Variants in DAB1 observed in about 807,000 individuals in gnomAD.
DAB1 encodes disabled homolog 1.
DAB1 carries 15 observed loss-of-function variants against 64.6 expected under a neutral mutation model. The ratio of observed to expected loss-of-function variants is 0.23; its 90% CI spans 0.16 to 0.36. DAB1 has a LOEUF of 0.36. Among genes scored for constraint, DAB1 ranks in the 10% least tolerant of loss-of-function variants. DAB1 has a pLI of 1.00. For synonymous variants in DAB1, 235 were observed against 251.9 expected, an observed-to-expected ratio of 0.93 and a Z score of 0.64; for missense variants, 596 against 706.7, an observed-to-expected ratio of 0.84 and a Z score of 1.78.
chr1:58,328,893 T>C (rs567217833), intron 4 of DAB1, among the ~76,000 whole-genome samples: 8 of 152,320 alleles, frequency 5.3e-5, no homozygotes, highest in African/African-American at 1.9e-4. Flanking sequence ...CCAGGCCAAC[T>C]CTTGCTTATT....
chr1:58,485,656 CT>C (rs1461244759), intron 3 of DAB1, among the ~76,000 whole-genome samples: 4 of 151,722 alleles, frequency 2.6e-5, no homozygotes, highest in African/African-American at 9.7e-5. Context: ...GCGCCAATGT[CT>C]TTTTATTTTT....
At chr1:58,001,722 C>T (rs1365744631) in intron 5 of DAB1, among the ~76,000 whole-genome samples, 1 of 152,132 alleles carries the variant, frequency 6.6e-6, no homozygotes, top group Non-Finnish European at 1.5e-5. Context: ...CAGTTTCTGA[C>T]TGTGGTAGGC....
intron 3 of DAB1, among the ~76,000 whole-genome samples, chr1:58,406,711 C>A (rs901527703): frequency 4.0e-5 from 3 of 75,278 alleles, no homozygotes; most frequent in African/African-American, 1.4e-4. Context: ...TAATATCATC[C>A]CCCCCCCCCA....
At chr1:57,785,745 G>A (rs1650308297) in intron 6 of DAB1, among the ~76,000 whole-genome samples, 1 of 152,124 alleles carries the variant, frequency 6.6e-6, no homozygotes, top group African/African-American at 2.4e-5. Context: ...AAATTCTTGA[G>A]GTGAAATATA....
At position 58,491,674 on chromosome 1, in the gene DAB1, C is replaced by T. The variant is rs535556821; in HGVS notation, n.257+14386G>A. 1.7e-3 allele frequency among the ~76,000 whole-genome samples: 254 copies of T among 152,130 alleles called. 2 individuals are homozygous for T. Among genetic ancestry groups the T allele is most frequent in the Non-Finnish European group, 2.1e-3 (146 of 67,960 alleles). ...AGATCAAAAGAGACAAAGAAGGCCA[C>T]TACATAATGGTAAAGGGATCCATTC... On this transcript the variant is annotated intron_variant and non_coding_transcript_variant, in intron 3 of 20. Transcript: ENST00000485760.
chr1:57,705,163 A>G (rs931527664), intron 6 of DAB1, among the ~76,000 whole-genome samples: 1 of 152,204 alleles, frequency 6.6e-6, no homozygotes, highest in Non-Finnish European at 1.5e-5. Flanking sequence ...TGCATAGGCT[A>G]AGAGCCAGAC....
intron 3 of DAB1, among the ~76,000 whole-genome samples, chr1:58,408,028 C>T (rs1644633317): frequency 6.6e-6 from 1 of 152,178 alleles, no homozygotes; most frequent in Non-Finnish European, 1.5e-5. Flanking sequence ...CATGGTGGGT[C>T]TCAACGTGTA....
chr1:57,229,929 G>A (rs1667545481), intron 2 of DAB1, among the ~76,000 whole-genome samples: 1 of 152,138 alleles, frequency 6.6e-6, no homozygotes, highest in African/African-American at 2.4e-5. Flanking sequence ...TCAACAGTAG[G>A]GAAATATGCA....
intron 3 of DAB1, among the ~76,000 whole-genome samples, chr1:57,139,412 C>T (rs1658396231): frequency 6.6e-6 from 1 of 152,120 alleles, no homozygotes; most frequent in South Asian, 2.1e-4. Flanking sequence ...CTGGACTTCC[C>T]AGGATCCAGA....
At chr1:57,121,321 C>T (rs1377780343) in intron 4 of DAB1, among the ~76,000 whole-genome samples, 1 of 151,976 alleles carries the variant, frequency 6.6e-6, no homozygotes, top group Non-Finnish European at 1.5e-5. Flanking sequence ...GGACCCCTCA[C>T]TCCCTCACTC....
chr1:57,891,242 C>CA (rs749858371), intron 5 of DAB1, among the ~76,000 whole-genome samples: 6 of 151,974 alleles, frequency 3.9e-5, no homozygotes, highest in Non-Finnish European at 7.4e-5. Context: ...TTTATGCGGC[C>CA]AACAAACATG....
In DAB1 at chr1:58,422,660, A is replaced by T. The variant is rs544951223; in HGVS notation, n.258-79257T>A. Among the ~76,000 whole-genome samples, 3 of 147,358 alleles carry T rather than the reference A, an allele frequency of 2.0e-5. No homozygotes were observed. In the Admixed American group the frequency reaches 2.1e-4, roughly 10 times the overall value. ...CGTTCTGTCGCCCAGGCTGGAGTGC[A>T]GTGGCACCAGGAGGCAACTATTATT... On this transcript the variant is annotated intron_variant and non_coding_transcript_variant, in intron 3 of 20. Transcript: ENST00000485760.
At chr1:58,006,479 A>G (rs1023602584) in intron 5 of DAB1, among the ~76,000 whole-genome samples, 2 of 152,218 alleles carry the variant, frequency 1.3e-5, no homozygotes, top group Non-Finnish European at 2.9e-5. Flanking sequence ...GATATTTAGG[A>G]TCACAAAGAT....
chr1:57,021,785 A>G (rs560274267), intron 11 of DAB1, among the ~76,000 whole-genome samples: 2 of 152,254 alleles, frequency 1.3e-5, no homozygotes, highest in South Asian at 4.1e-4. Context: ...CTTCTCAATT[A>G]TAGAGAAGGG....
rs1661498682 is a variant in DAB1, at chr1:58,278,241, CGCATACTGTCTCTCGCCTGCTGCCA to C, written n.309+65086_309+65110del. Among the ~76,000 whole-genome samples the C allele has an allele frequency of 6.9e-5, 3 of 43,388 alleles. 1 individual carries two copies. The highest frequency in any genetic ancestry group is 1.5e-4 in the African/African-American group (2 of 13,160). 28.5% of individuals were successfully genotyped at this position (43,388 alleles called of 152,430 possible). A position where few individuals can be genotyped will look rare whatever the true frequency, so the allele number is the denominator to read the frequency against. ...AGTGTTTGACAGTTTCTCCTACACA[CGCATACTGTCTCTCGCCTGCTGCCA>C]TGTAAGATGTGCCTGCTTCACCTTC... is the stretch of plus-strand genomic sequence containing the variant. On this transcript the variant is annotated intron_variant and non_coding_transcript_variant, in intron 4 of 20. Coordinates refer to the DAB1 transcript ENST00000485760.
intron 4 of DAB1, among the ~76,000 whole-genome samples, chr1:58,185,782 G>A (rs1409257475): frequency 6.6e-6 from 1 of 152,102 alleles, no homozygotes; most frequent in East Asian, 1.9e-4. Flanking sequence ...AAGTAATGAA[G>A]CTCTTAAATC....
At chr1:57,557,278 T>A (rs928002924) in intron 7 of DAB1, among the ~76,000 whole-genome samples, 2 of 152,156 alleles carry the variant, frequency 1.3e-5, no homozygotes, top group African/African-American at 4.8e-5. Context: ...TGCTGGATGC[T>A]TCCTGTCCTT....
chr1:58,312,878 A>G (rs1255381205), intron 4 of DAB1, among the ~76,000 whole-genome samples: 1 of 151,952 alleles, frequency 6.6e-6, no homozygotes, highest in Non-Finnish European at 1.5e-5. Flanking sequence ...AATGAATAGC[A>G]TTATTATGAA....
chr1:57,860,630 CAGA>C (rs1653970008), intron 1 of DAB1: 1 of 152,200 alleles, frequency 6.6e-6, no homozygotes, highest in Non-Finnish European at 1.5e-5. Context: ...CACTTGCTTG[CAGA>C]AGAACAGGCC....
Sources: gnomAD v4.1 joint callset for allele counts (sites outside exome capture counted in the v4.1 genomes callset) on GRCh38, gnomAD v4.1.1 for gene constraint, MANE v1.5 for transcripts, NCBI Gene and HGNC (gene_info 2026-07-23, HGNC 2026-07-21) for gene names.